RYR2: variants seen among roughly 807,000 people sequenced by gnomAD.
RYR2 encodes cardiac muscle ryanodine receptor-calcium release channel.
RYR2 carries 227 observed loss-of-function variants against 601.1 expected under a neutral mutation model. The observed-to-expected ratio is 0.38, with a 90% confidence interval of 0.34 to 0.42. The LOEUF is 0.42. Ranked by LOEUF, RYR2 falls within the 10% of genes least tolerant of loss-of-function variation. The probability of loss-of-function intolerance (pLI) is 1.00; values close to 1 mark genes in which losing one functional copy is unlikely to be tolerated. For missense variants in RYR2, 4,646 were observed against 6,156.5 expected (o/e 0.75, Z 8.21); for synonymous variants, 2,223 against 2,175.1 (o/e 1.02, Z -0.61).
In RYR2 at chr1:237,654,302, G is replaced by A. The variant is rs1379738580; in HGVS notation, c.7853G>A (p.Trp2618Ter). The A allele has an allele frequency of 6.2e-7, 1 of 1,613,752 alleles. No individual in the cohort carries two copies. Residue 2618 changes from tryptophan to a stop codon, truncating the protein, a stop_gained, in exon 52 of 105, where the codon TGG becomes TAG. Coordinates refer to ENST00000366574, the MANE Select transcript of RYR2 (RefSeq NM_001035.3). LOFTEE classifies it high-confidence loss of function. ...KLLTNHYERC[W>*]KYYCLPGGWG... Reference sequence around the variant, plus strand: ...CTGACAAATCATTATGAAAGATGCTGGAAATATTACTGCCTGCCTGGAGGG... The same window carrying A: ...CTGACAAATCATTATGAAAGATGCTAGAAATATTACTGCCTGCCTGGAGGG...
intron 11 of RYR2, among the ~76,000 whole-genome samples, chr1:237,419,524 G>A (rs1439361050): frequency 6.6e-6 from 1 of 152,164 alleles, no homozygotes; most frequent in Non-Finnish European, 1.5e-5. Context: ...ATAGAAAGGA[G>A]ATGATCTTAT....
intron 2 of RYR2, among the ~76,000 whole-genome samples, chr1:237,305,436 A>G (rs1030545333): frequency 1.3e-5 from 2 of 152,106 alleles, no homozygotes; most frequent in Non-Finnish European, 2.9e-5. Context: ...GAACTCAGCA[A>G]ATTTTTTATT....
At position 237,801,845 on chromosome 1, in the gene RYR2, TGTCA is replaced by T; in HGVS notation, c.14091-10_14091-7del. On this transcript the variant is annotated splice_region_variant and splice_polypyrimidine_tract_variant and intron_variant, in intron 97 of 104. Transcript: ENST00000366574. ...TGCATAACTACGCATTTTTTTTTTTTGTCATTGCAGACTGAACTCCATTGATGTG... is the reference window on the plus strand; with the variant it reads ...TGCATAACTACGCATTTTTTTTTTTTTTGCAGACTGAACTCCATTGATGTG... 2 of 1,571,446 alleles carry T rather than the reference TGTCA, an allele frequency of 1.3e-6. No individual in the cohort carries two copies. Among genetic ancestry groups the T allele is most frequent in the Admixed American group, 1.7e-5 (1 of 58,344 alleles).
intron 101 of RYR2, among the ~76,000 whole-genome samples, chr1:237,824,734 G>A (rs2493903): frequency 0.26 from 39,886 of 151,692 alleles, 5,697 homozygotes; most frequent in East Asian, 0.61. Flanking sequence ...AAAGGAAGTC[G>A]AATTGTCTGC....
At chr1:237,348,274 C>A (rs1254798561) in intron 3 of RYR2, among the ~76,000 whole-genome samples, 1 of 152,166 alleles carries the variant, frequency 6.6e-6, no homozygotes, top group Admixed American at 6.6e-5. Context: ...TATTCCAGAT[C>A]ATTTTTCTGT....
At chr1:237,298,171 C>A (rs1290701912) in intron 2 of RYR2, among the ~76,000 whole-genome samples, 1 of 152,164 alleles carries the variant, frequency 6.6e-6, no homozygotes, top group Non-Finnish European at 1.5e-5. Flanking sequence ...GTCATCGTCA[C>A]TCATTCATCA....
chr1:237,607,704 A>T (rs1246778825), intron 35 of RYR2, among the ~76,000 whole-genome samples: 1 of 152,234 alleles, frequency 6.6e-6, no homozygotes, highest in African/African-American at 2.4e-5. Context: ...TGACCATGCT[A>T]ATCAAAAAGT....
At chr1:237,290,932 T>C (rs748115038) in intron 2 of RYR2, among the ~76,000 whole-genome samples, 5 of 152,224 alleles carry the variant, frequency 3.3e-5, no homozygotes, top group Non-Finnish European at 7.3e-5. Flanking sequence ...AAATTAAAGC[T>C]GCATTCAAAT....
chr1:237,328,635 G>A (rs1696398050), intron 2 of RYR2, among the ~76,000 whole-genome samples: 2 of 151,958 alleles, frequency 1.3e-5, no homozygotes. Context: ...CAAAACATGG[G>A]AACCAGTGGG....
chr1:237,644,897 T>C (rs1681964599), intron 48 of RYR2, among the ~76,000 whole-genome samples: 1 of 151,988 alleles, frequency 6.6e-6, no homozygotes, highest in African/African-American at 2.4e-5. Context: ...ACAAGCATGG[T>C]GGTGGGCATT....
At chr1:237,674,023 A>G (rs1268271231) in intron 58 of RYR2, 73 bp from the exon 59 acceptor site, 15 of 1,246,504 alleles carry the variant, frequency 1.2e-5, no homozygotes, top group Admixed American at 5.9e-5. Flanking sequence ...GTGTGGTCCA[A>G]TTATATATCT....
intron 59 of RYR2, 87 bp from the exon 60 acceptor site, chr1:237,674,644 T>G: frequency 1.5e-6 from 1 of 685,682 alleles, no homozygotes; most frequent in Non-Finnish European, 2.6e-6. Context: ...TGTATGTATA[T>G]ACACATATAT....
chr1:237,360,889 A>C (rs567999053), intron 4 of RYR2, among the ~76,000 whole-genome samples: 2 of 152,254 alleles, frequency 1.3e-5, no homozygotes, highest in South Asian at 4.2e-4. Flanking sequence ...ATTTATATAG[A>C]TATTTTTTAA....
intron 15 of RYR2, among the ~76,000 whole-genome samples, chr1:237,455,781 G>C (rs1282931370): frequency 6.6e-6 from 1 of 152,152 alleles, no homozygotes; most frequent in East Asian, 1.9e-4. Flanking sequence ...AAGCAAAAAA[G>C]TATCAACATA....
At chr1:237,595,470 A>G (rs1675789883) in intron 33 of RYR2, 28 bp from the exon 34 acceptor site, 1 of 1,599,940 alleles carries the variant, frequency 6.3e-7, no homozygotes, top group African/African-American at 1.3e-5. Context: ...TGGTTGTACA[A>G]AGATAAAAAT....
In RYR2 at chr1:237,589,928, G is replaced by A; in HGVS notation, c.3734G>A (p.Arg1245Lys). Residue 1245 changes from arginine to lysine, a missense_variant, in exon 30 of 105, where the codon AGG becomes AAG. Coordinates refer to ENST00000366574, the MANE Select transcript of RYR2 (RefSeq NM_001035.3). Reference sequence around the variant, plus strand: ...GAACCATTTGCCGTTAATACAAACAGGGATATTACCATGTGGCTGAGCAAG... The same window carrying A: ...GAACCATTTGCCGTTAATACAAACAAGGATATTACCATGTGGCTGAGCAAG... ...GYEPFAVNTN[R>K]DITMWLSKRL... The A allele has an allele frequency of 6.2e-7, 1 of 1,613,902 alleles. No individual in the cohort carries two copies. Among genetic ancestry groups the A allele is most frequent in the Non-Finnish European group, 8.5e-7 (1 of 1,179,864 alleles).
chr1:237,128,118 T>C (rs1671736112), intron 1 of RYR2, among the ~76,000 whole-genome samples: 2 of 152,158 alleles, frequency 1.3e-5, no homozygotes, highest in Non-Finnish European at 2.9e-5. Context: ...TGAACGAGAC[T>C]CCGTCTGCAA....
chr1:237,406,099 G>T (rs201857632), intron 10 of RYR2, among the ~76,000 whole-genome samples: 57 of 147,596 alleles, frequency 3.9e-4, no homozygotes, highest in African/African-American at 1.3e-3. Context: ...TCTCCCTCAT[G>T]AAAACTTTGC....
Position 237,784,756 on chromosome 1 carries a change from G to A in RYR2, c.13044G>A (p.Glu4348=), listed in dbSNP as rs559197657. ...ATGAGGTTAGAGGAGATGGGGAGGA[G>A]GGAGAGAGGAAACCCCTGGAAGCCG... ...TQDEVRGDGE[E]GERKPLEAAL... is the part of the protein sequence containing the mutation. Residue 4348 remains glutamate (E), a synonymous_variant, in exon 90 of 105, where the codon GAG becomes GAA. Coordinates refer to ENST00000366574, the MANE Select transcript of RYR2 (RefSeq NM_001035.3). This position sits in a 1 kb window ranked among gnomAD's most constrained non-coding sequence, Gnocchi z 7.1. The A allele has an allele frequency of 2.1e-5, 33 of 1,602,188 alleles. No homozygotes were observed. The highest frequency in any genetic ancestry group is 2.6e-5 in the Non-Finnish European group (30 of 1,173,280).
Sources: gnomAD v4.1 joint callset for allele counts (sites outside exome capture counted in the v4.1 genomes callset) on GRCh38, gnomAD v4.1.1 for gene constraint, Gnocchi (gnomAD v3.1) non-coding constraint, MANE v1.5 for transcripts, NCBI Gene and HGNC (gene_info 2026-07-23, HGNC 2026-07-21) for gene names.